Variants in MMS22L observed in about 807,000 individuals in gnomAD.
MMS22L encodes protein MMS22-like.
Under a neutral mutation model 159.1 loss-of-function variants are expected in MMS22L, and 74 were observed. The ratio of observed to expected loss-of-function variants is 0.47; its 90% confidence interval spans 0.39 to 0.56. MMS22L has a LOEUF of 0.56. Among genes scored for constraint, MMS22L ranks in the 20% least tolerant of loss-of-function variants. The pLI is 0.00. For missense variants in MMS22L, 1,351 were observed against 1,422.1 expected (o/e 0.95, Z 0.80); for synonymous variants, 517 against 506.9 (o/e 1.02, Z -0.27).
intron 14 of MMS22L, among the ~76,000 whole-genome samples, chr6:97,186,967 G>A (rs1303575391): frequency 1.3e-5 from 2 of 152,058 alleles, no homozygotes; most frequent in Non-Finnish European, 2.9e-5. Context: ...CAGAATGAAG[G>A]TCTGCATTTT....
At chr6:97,229,782 G>A (rs1023072525) in intron 13 of MMS22L, among the ~76,000 whole-genome samples, 2 of 152,076 alleles carry the variant, frequency 1.3e-5, no homozygotes, top group African/African-American at 4.8e-5. Context: ...TGCTTTTACA[G>A]AGATCTTAAC....
chr6:97,177,399 TA>T (rs1379518665), intron 18 of MMS22L, among the ~76,000 whole-genome samples: 7 of 152,160 alleles, frequency 4.6e-5, no homozygotes, highest in Non-Finnish European at 8.8e-5. Context: ...CCACCTGAGA[TA>T]AAGAACTACT....
At chr6:97,281,496 C>G in intron 2 of MMS22L, 134 bp from the exon 3 acceptor site, 1 of 655,562 alleles carries the variant, frequency 1.5e-6, no homozygotes, top group East Asian at 2.7e-5. Flanking sequence ...TGGTACTTTA[C>G]ACATTCAAGA....
At chr6:97,175,485 A>T (rs1804022600) in intron 18 of MMS22L, among the ~76,000 whole-genome samples, 1 of 152,228 alleles carries the variant, frequency 6.6e-6, no homozygotes, top group African/African-American at 2.4e-5. Context: ...ATGGTGTCTG[A>T]AACCATGTCA....
At position 97,144,193 on chromosome 6, in the gene MMS22L, G is replaced by A. The variant is rs573641430; in HGVS notation, c.*2613C>T. Reference sequence around the variant, plus strand: ...AATGTTGAGACAAAGCAGATGAAGGGTCGTATCTTACGACTGGGGACAGGA... The same window carrying A: ...AATGTTGAGACAAAGCAGATGAAGGATCGTATCTTACGACTGGGGACAGGA... On this transcript the variant is annotated 3_prime_UTR_variant, in exon 25 of 25. Transcript: ENST00000683635. 1 of 152,040 alleles carries A rather than the reference G, an allele frequency of 6.6e-6. No homozygotes were observed. The highest frequency in any genetic ancestry group is 1.5e-5 in the Non-Finnish European group (1 of 68,034). The allele number at this position is 152,040 out of a possible 1,614,324, so 9.4% of individuals were successfully genotyped here. A position where few individuals can be genotyped will look rare whatever the true frequency, so the allele number is the denominator to read the frequency against.
At chr6:97,256,178 A>G (rs1813788596) in intron 9 of MMS22L, among the ~76,000 whole-genome samples, 2 of 152,146 alleles carry the variant, frequency 1.3e-5, no homozygotes, top group African/African-American at 4.8e-5. Flanking sequence ...CCTGCTTGGA[A>G]GTTAAAAAGT....
At chr6:97,256,774 G>A (rs1311388017) in intron 9 of MMS22L, among the ~76,000 whole-genome samples, 1 of 152,014 alleles carries the variant, frequency 6.6e-6, no homozygotes, top group Non-Finnish European at 1.5e-5. Context: ...AGACCAGTGA[G>A]ACCCTGTCTC....
At chr6:97,274,824 A>C (rs1366179158) in intron 4 of MMS22L, among the ~76,000 whole-genome samples, 1 of 152,196 alleles carries the variant, frequency 6.6e-6, no homozygotes, top group Non-Finnish European at 1.5e-5. Context: ...CCAGGGAAAA[A>C]CACCAGAAAA....
At chr6:97,261,037 GTTTC>G (rs1367743589) in intron 9 of MMS22L, 1 of 151,904 alleles carries the variant, frequency 6.6e-6, no homozygotes, top group Non-Finnish European at 1.5e-5. Flanking sequence ...ACACTTTTAT[GTTTC>G]TTTCTTATCA....
Position 97,168,154 on chromosome 6 carries a change from G to A in MMS22L, c.2926C>T (p.Pro976Ser), listed in dbSNP as rs1413898666. Residue 976 changes from proline to serine, a missense_variant, in exon 20 of 25, where the codon CCA becomes TCA. Transcript: ENST00000683635. ...TTCTCTTGCTGTAATACTGCATGTG[G>A]CAGCAGTAAACAATCTATGATCCGG... is the stretch of plus-strand genomic sequence containing the variant. Reference protein sequence around the residue: ...LFRIIDCLLLPHAVLQQEKEL... With the variant: ...LFRIIDCLLLSHAVLQQEKEL... 6.2e-7 allele frequency: 1 copy of A among 1,612,662 alleles called. No homozygotes were observed. Among genetic ancestry groups the A allele is most frequent in the Non-Finnish European group, 8.5e-7 (1 of 1,178,934 alleles).
chr6:97,151,712 T>C (rs1801334070), intron 23 of MMS22L, 59 bp downstream of exon 23: 1 of 1,283,464 alleles, frequency 7.8e-7, no homozygotes, highest in Non-Finnish European at 1.1e-6. Flanking sequence ...TTAAAAAACA[T>C]GTTGGCTGTC....
At chr6:97,267,206 T>TA (rs1815217109) in intron 8 of MMS22L, 1 of 152,116 alleles carries the variant, frequency 6.6e-6, no homozygotes, top group Non-Finnish European at 1.5e-5. Context: ...TGATAATGCA[T>TA]AAAAAAATCT....
rs777053143 is a variant in MMS22L, at chr6:97,173,071, C to T, written c.2831G>A (p.Gly944Glu). The T allele has an allele frequency of 6.2e-7, 1 of 1,610,240 alleles. No individual in the cohort carries two copies. Among genetic ancestry groups the T allele is most frequent in the East Asian group, 2.2e-5 (1 of 44,792 alleles). Reference protein sequence around the residue: ...VFSAGLQLTYGMMGILVKSWA... With the variant: ...VFSAGLQLTYEMMGILVKSWA... The stretch of plus-strand genomic sequence containing the variant: ...ATGCCAGGAATACATACCCATCATT[C>T]CATAAGTCAGCTGCAGCCCTGCACT... The change falls in exon 19 of 25, where the codon GGA becomes GAA. Residue 944 changes from glycine (G) to glutamate (E), a missense_variant. Coordinates refer to ENST00000683635, the MANE Select transcript of MMS22L (RefSeq NM_001350599.2).
chr6:97,167,165 C>T (rs1803037637), intron 20 of MMS22L, among the ~76,000 whole-genome samples: 3 of 152,068 alleles, frequency 2.0e-5, no homozygotes, highest in Non-Finnish European at 2.9e-5. Flanking sequence ...TTTCCAACTG[C>T]CTACCTCAAA....
chr6:97,187,527 C>T (rs1286170862), intron 14 of MMS22L, among the ~76,000 whole-genome samples: 1 of 152,052 alleles, frequency 6.6e-6, no homozygotes, highest in African/African-American at 2.4e-5. Flanking sequence ...GTTTATATTA[C>T]TGCCAGATCA....
intron 14 of MMS22L, among the ~76,000 whole-genome samples, chr6:97,210,790 T>G (rs898914324): frequency 1.3e-5 from 2 of 151,960 alleles, no homozygotes; most frequent in African/African-American, 4.8e-5. Flanking sequence ...CTCACAAAAC[T>G]TCTACTGTAA....
chr6:97,182,598 T>C (rs1481614725), intron 15 of MMS22L, among the ~76,000 whole-genome samples: 1 of 152,216 alleles, frequency 6.6e-6, no homozygotes, highest in Non-Finnish European at 1.5e-5. Context: ...TTTTATTTTG[T>C]GATTTTTCTT....
intron 14 of MMS22L, among the ~76,000 whole-genome samples, chr6:97,199,412 T>C (rs1036751862): frequency 1.3e-5 from 2 of 152,168 alleles, no homozygotes; most frequent in Admixed American, 6.6e-5. Context: ...TAACGGACTA[T>C]GTATCAATAA....
chr6:97,258,058 T>C (rs1429714689), intron 9 of MMS22L, among the ~76,000 whole-genome samples: 1 of 152,180 alleles, frequency 6.6e-6, no homozygotes, highest in Admixed American at 6.5e-5. Context: ...CCAATTTGTT[T>C]ATATCAGTAG....
Sources: allele counts gnomAD v4.1 joint callset (sites outside exome capture counted in the v4.1 genomes callset), GRCh38; gene constraint gnomAD v4.1.1; transcripts MANE v1.5; gene names NCBI Gene and HGNC (gene_info 2026-07-23, HGNC 2026-07-21).